SLURP2: variants seen among roughly 807,000 people sequenced by gnomAD.
SLURP2 encodes secreted LY6/PLAUR domain containing 2.
In SLURP2, 4 loss-of-function variants were observed where a neutral mutation model predicts 9.8. The observed-to-expected ratio is 0.41, with a 90% CI of 0.20 to 0.94. The LOEUF is 0.94. Among genes scored for constraint, SLURP2 ranks in the 40% least tolerant of loss-of-function variants. SLURP2 has a pLI of 0.32. For missense variants in SLURP2, 118 were observed against 126.4 expected (o/e 0.93, Z 0.32); for synonymous variants, 58 against 56.2 (o/e 1.03, Z -0.15).
At chr8:142,767,484 C>A (rs767970659) in intron 1 of SLURP2, among the ~76,000 whole-genome samples, 5 of 152,178 alleles carry the variant, frequency 3.3e-5, no homozygotes, top group Non-Finnish European at 7.3e-5. Flanking sequence ...GAGGCTGGGG[C>A]ACCAGAAGGA....
At chr8:142,767,403 C>T (rs1352228153) in intron 1 of SLURP2, among the ~76,000 whole-genome samples, 5 of 152,212 alleles carry the variant, frequency 3.3e-5, no homozygotes, top group South Asian at 4.1e-4. Flanking sequence ...AAGTCGGACA[C>T]GCCTCTACTC....
At chr8:142,764,777 A>G in intron 2 of SLURP2, 36 bp from the exon 3 acceptor site, 1 of 1,609,258 alleles carries the variant, frequency 6.2e-7, no homozygotes. Context: ...GAGCTCCCTG[A>G]GGCTCTGGTT....
In SLURP2 at chr8:142,764,585, G is replaced by A. The variant is rs1225221588; in HGVS notation, c.*20C>T. 6.3e-7 allele frequency: 1 copy of A among 1,599,056 alleles called. No individual in the cohort carries two copies. Among genetic ancestry groups the A allele is most frequent in the East Asian group, 2.2e-5 (1 of 44,774 alleles). On this transcript the variant is annotated 3_prime_UTR_variant, in exon 3 of 3. Coordinates refer to ENST00000317543, the MANE Select transcript of SLURP2 (RefSeq NM_177458.3). ...GGGCTGTGGGGGCTGAGCGTCCGGG[G>A]GCCTGGAGGAGGGCAGCCGTCAGTC... is the stretch of plus-strand genomic sequence containing the variant.
intron 1 of SLURP2, among the ~76,000 whole-genome samples, chr8:142,767,331 C>T (rs1474136057): frequency 6.6e-6 from 1 of 152,260 alleles, no homozygotes; most frequent in Non-Finnish European, 1.5e-5. Context: ...CCCTCTCTGC[C>T]TTCCCACCAA....
At position 142,769,801 on chromosome 8, in the gene SLURP2, C is replaced by T; in HGVS notation, c.6G>A (p.Gln2=). M[Q]LGTGLLLAAV... is the part of the protein sequence containing the mutation. ...CGGCCAGCAGGAGCCCAGTGCCGAG[C>T]TGCATGTTCTCCTGGTGAGGTCGGG... The change falls in exon 1 of 3, where the codon CAG becomes CAA. Residue 2 remains glutamine (Q), a synonymous_variant. Transcript: ENST00000317543. 1 of 1,596,522 alleles carries T rather than the reference C, an allele frequency of 6.3e-7. No individual in the cohort carries two copies. Among genetic ancestry groups the T allele is most frequent in the Non-Finnish European group, 8.5e-7 (1 of 1,173,870 alleles).
rs954867334 is a variant in SLURP2, at chr8:142,768,734, T to G, written c.52+1021A>C. ...GTGTCTCGGACCTTCAGCACAGAGC[T>G]GGTCTGCCCTCATGACCCTGGGGCA... On this transcript the variant is annotated intron_variant, in intron 1 of 2. Coordinates refer to ENST00000317543, the MANE Select transcript of SLURP2 (RefSeq NM_177458.3). The surrounding 1 kb of genome is among the most constrained non-coding windows in gnomAD (Gnocchi z 4.8). Among the ~76,000 whole-genome samples, 6 of 152,120 alleles carry G rather than the reference T, an allele frequency of 3.9e-5. No homozygotes were observed. Among genetic ancestry groups the G allele is most frequent in the African/African-American group, 1.2e-4 (5 of 41,420 alleles).
At position 142,765,062 on chromosome 8, in the gene SLURP2, G is replaced by A. The variant is rs777800980; in HGVS notation, c.131C>T (p.Ser44Phe). Residue 44 changes from serine (S) to phenylalanine (F), a missense_variant, in exon 2 of 3, where the codon TCC becomes TTC. Transcript: ENST00000317543. ...CSHGSRCLRD[S>F]THCVTTATRV... ...GGTGGCAGTGGTGACACAGTGGGTG[G>A]AGTCCCTCAGGCATCTGGATCCATG... is the stretch of plus-strand genomic sequence containing the variant. 1.9e-6 allele frequency: 3 copies of A among 1,612,534 alleles called. No homozygotes were observed. The highest frequency in any genetic ancestry group is 2.7e-5 in the African/African-American group (2 of 74,926).
chr8:142,764,470 C>T lies in SLURP2; in HGVS notation c.*135G>A, dbSNP rs865937885. On this transcript the variant is annotated 3_prime_UTR_variant, in exon 3 of 3. Coordinates refer to ENST00000317543, the MANE Select transcript of SLURP2 (RefSeq NM_177458.3). Reference sequence around the variant, plus strand: ...CCACGCAGGACTTCCCTAGGACAAGCGGTGCTGGACGGTGGCTGCAGAGGC... The same window carrying T: ...CCACGCAGGACTTCCCTAGGACAAGTGGTGCTGGACGGTGGCTGCAGAGGC... 20 of 915,966 alleles carry T rather than the reference C, an allele frequency of 2.2e-5. No individual in the cohort carries two copies. The highest frequency in any genetic ancestry group is 5.3e-5 in the East Asian group (2 of 38,000). 56.7% of individuals were successfully genotyped at this position (915,966 alleles called of 1,614,324 possible).
chr8:142,765,019 C>T lies in SLURP2; in HGVS notation c.157+17G>A, dbSNP rs1293645701. On this transcript the variant is annotated intron_variant, in intron 2 of 2. Transcript: ENST00000317543. ...GGGCAAGAAGGACGTGGCCAGCCCACCACTGTTCCCACTTACGGGTGGCAG... is the reference window on the plus strand; with the variant it reads ...GGGCAAGAAGGACGTGGCCAGCCCATCACTGTTCCCACTTACGGGTGGCAG... 3 of 1,595,002 alleles carry T rather than the reference C, an allele frequency of 1.9e-6. No individual in the cohort carries two copies. Among genetic ancestry groups the T allele is most frequent in the Non-Finnish European group, 2.6e-6 (3 of 1,168,170 alleles).
chr8:142,765,088 G>T lies in SLURP2; in HGVS notation c.105C>A (p.Ser35=), dbSNP rs1331964555. The T allele has an allele frequency of 6.2e-7, 1 of 1,612,758 alleles. No homozygotes were observed. The change falls in exon 2 of 3, where the codon TCC becomes TCA. Residue 35 remains serine, a synonymous_variant. Coordinates refer to ENST00000317543, the MANE Select transcript of SLURP2 (RefSeq NM_177458.3). ...AGTCCCTCAGGCATCTGGATCCATG[G>T]GAGCACCCTCCGAAGCCCGTGCACT... The part of the protein sequence containing the change: ...CHQCTGFGGC[S]HGSRCLRDST...
chr8:142,764,687 C>G lies in SLURP2; in HGVS notation c.212G>C (p.Gly71Ala). The change falls in exon 3 of 3, where the codon GGC (glycine) becomes GCC (alanine). Residue 71 changes from glycine (G) to alanine (A), a missense_variant. By Grantham distance (60) the Gly-to-Ala change is moderately conservative (BLOSUM62 0). Coordinates refer to ENST00000317543, the MANE Select transcript of SLURP2 (RefSeq NM_177458.3). ...GCCCAGGCTGGGGATATCGGGGCAG[C>G]CTATGTGGCACATCTTGGTGACCAG... ...LPLVTKMCHI[G>A]CPDIPSLGLG... 6.2e-7 allele frequency: 1 copy of G among 1,613,088 alleles called. No homozygotes were observed. Among genetic ancestry groups the G allele is most frequent in the Non-Finnish European group, 8.5e-7 (1 of 1,179,688 alleles).
At chr8:142,765,586 A>G (rs1587603447) in intron 1 of SLURP2, among the ~76,000 whole-genome samples, 1 of 152,130 alleles carries the variant, frequency 6.6e-6, no homozygotes, top group Non-Finnish European at 1.5e-5. Context: ...GGTGGCTGCG[A>G]TGATGGGGCC....
chr8:142,768,126 G>A lies in SLURP2; in HGVS notation c.52+1629C>T, dbSNP rs1815058477. ...CAGACTGGCGCCTGACACACGGGAG[G>A]GAGGGGAGATCAGGGGGAGAAGAGG... On this transcript the variant is annotated intron_variant, in intron 1 of 2. Coordinates refer to ENST00000317543, the MANE Select transcript of SLURP2 (RefSeq NM_177458.3). This position sits in a 1 kb window ranked among gnomAD's most constrained non-coding sequence, Gnocchi z 4.8. Among the ~76,000 whole-genome samples, 2 of 151,072 alleles carry A rather than the reference G, an allele frequency of 1.3e-5. No homozygotes were observed. Among genetic ancestry groups the A allele is most frequent in the Non-Finnish European group, 2.9e-5 (2 of 67,804 alleles).
intron 1 of SLURP2, among the ~76,000 whole-genome samples, chr8:142,766,667 T>C (rs1815018785): frequency 6.6e-6 from 1 of 152,166 alleles, no homozygotes; most frequent in South Asian, 2.1e-4. Context: ...GACTCTGTCC[T>C]CTCCTCCCTG....
chr8:142,765,972 A>C (rs930700234), intron 1 of SLURP2, among the ~76,000 whole-genome samples: 3 of 74,248 alleles, frequency 4.0e-5, no homozygotes, highest in African/African-American at 9.2e-5. Flanking sequence ...CAAAAAAAAA[A>C]ACAAAAAACA....
intron 1 of SLURP2, among the ~76,000 whole-genome samples, chr8:142,766,883 G>A (rs1053603116): frequency 6.6e-6 from 1 of 152,152 alleles, no homozygotes; most frequent in Non-Finnish European, 1.5e-5. Context: ...CAGGCACCAG[G>A]CGCAGGCCCT....
intron 1 of SLURP2, among the ~76,000 whole-genome samples, chr8:142,767,580 T>G (rs959952390): frequency 6.6e-6 from 1 of 152,160 alleles, no homozygotes; most frequent in Non-Finnish European, 1.5e-5. Flanking sequence ...TCCCAAGGCC[T>G]CCCTGGCTTT....
At chr8:142,767,163 C>T (rs587715316) in intron 1 of SLURP2, among the ~76,000 whole-genome samples, 2 of 152,198 alleles carry the variant, frequency 1.3e-5, no homozygotes, top group African/African-American at 4.8e-5. Flanking sequence ...GTCCTGTGGG[C>T]GGAATCCTCC....
chr8:142,765,190 G>C (rs1233125548), intron 1 of SLURP2, 50 bp from the exon 2 acceptor site: 2 of 1,461,450 alleles, frequency 1.4e-6, no homozygotes, highest in African/African-American at 1.4e-5. Context: ...GGCAGGTGTG[G>C]GCCACCTTCT....
Sources: allele counts gnomAD v4.1 joint callset (sites outside exome capture counted in the v4.1 genomes callset), GRCh38; gene constraint gnomAD v4.1.1; non-coding constraint Gnocchi (gnomAD v3.1); transcripts MANE v1.5; gene names NCBI Gene and HGNC (gene_info 2026-07-23, HGNC 2026-07-21).